Variants in PIGL observed in about 807,000 individuals in gnomAD.
The protein encoded by PIGL is N-acetylglucosaminyl-phosphatidylinositol de-N-acetylase.
Under a neutral mutation model 31.1 loss-of-function variants are expected in PIGL, and 22 were observed. The ratio of observed to expected loss-of-function variants is 0.71; its 90% CI spans 0.51 to 1.01. PIGL has a LOEUF of 1.01. Ranked by LOEUF, PIGL falls within the 50% of genes least tolerant of loss-of-function variation. The probability of loss-of-function intolerance (pLI) is 0.00; values close to 1 mark genes in which losing one functional copy is unlikely to be tolerated. For missense variants in PIGL, 302 were observed against 315.9 expected (o/e 0.96, Z 0.33); for synonymous variants, 131 against 117.4 (o/e 1.12, Z -0.75).
At chr17:16,224,034 G>A (rs549470370) in intron 1 of PIGL, among the ~76,000 whole-genome samples, 2 of 152,130 alleles carry the variant, frequency 1.3e-5, no homozygotes, top group South Asian at 4.1e-4. Flanking sequence ...GGCCAACGTG[G>A]TGAAACCCTG....
At chr17:16,218,268 GCTT>G (rs1328539593) in intron 1 of PIGL, 2 of 152,044 alleles carry the variant, frequency 1.3e-5, no homozygotes, top group Admixed American at 6.6e-5. Flanking sequence ...TTTCTATACA[GCTT>G]CTTCACAGAA....
chr17:16,238,364 T>C (rs1284346861), intron 2 of PIGL, among the ~76,000 whole-genome samples: 1 of 151,406 alleles, frequency 6.6e-6, no homozygotes, highest in Non-Finnish European at 1.5e-5. Context: ...TAAATACCTA[T>C]ATAGATTAAC....
intron 2 of PIGL, among the ~76,000 whole-genome samples, chr17:16,290,130 G>A (rs11078337): frequency 0.36 from 52,858 of 146,812 alleles, 11,363 homozygotes; most frequent in Middle Eastern, 0.51. Flanking sequence ...GACTTGCTCT[G>A]TTGCCCAGGC....
chr17:16,305,300 A>G (rs1251105683), intron 3 of PIGL, among the ~76,000 whole-genome samples: 2 of 152,092 alleles, frequency 1.3e-5, no homozygotes, highest in Admixed American at 6.6e-5. Flanking sequence ...TCAAAAAAAC[A>G]AACAAAAAAA....
At chr17:16,303,553 T>C (rs79491791) in intron 3 of PIGL, among the ~76,000 whole-genome samples, 1 of 151,774 alleles carries the variant, frequency 6.6e-6, no homozygotes, top group Admixed American at 6.6e-5. Flanking sequence ...TTTTTTTTTT[T>C]CCTGAAATGA....
Position 16,252,231 on chromosome 17 carries a change from G to A in PIGL, c.335+18161G>A, listed in dbSNP as rs547793913. Among the ~76,000 whole-genome samples the A allele has an allele frequency of 5.9e-5, 9 of 151,864 alleles. No individual in the cohort carries two copies. The East Asian group carries it at 1.7e-3, about 29-fold the overall frequency. On this transcript the variant is annotated intron_variant, in intron 2 of 6. Coordinates refer to ENST00000225609, the MANE Select transcript of PIGL (RefSeq NM_004278.4). ...TGGGATTACAGGCACATGCCAACAC[G>A]CCTAGCTAATTTTTGTATTTTTATT...
At chr17:16,274,240 C>T (rs1275122304) in intron 2 of PIGL, among the ~76,000 whole-genome samples, 2 of 152,170 alleles carry the variant, frequency 1.3e-5, no homozygotes, top group Non-Finnish European at 2.9e-5. Flanking sequence ...AAGAGTGAAA[C>T]CAGACGTGAG....
intron 2 of PIGL, 72 bp from the exon 3 acceptor site, chr17:16,299,816 C>T (rs2092996707): frequency 2.9e-6 from 3 of 1,050,624 alleles, no homozygotes; most frequent in Non-Finnish European, 4.5e-6. Flanking sequence ...ACTGGGCATG[C>T]ACCTACTGGA....
chr17:16,325,454 A>G (rs1473344247), intron 6 of PIGL, among the ~76,000 whole-genome samples: 1 of 151,310 alleles, frequency 6.6e-6, no homozygotes, highest in African/African-American at 2.4e-5. Context: ...TTCCTCATCT[A>G]TTTATTTTTT....
chr17:16,225,549 C>T (rs996979280), intron 1 of PIGL, among the ~76,000 whole-genome samples: 3 of 125,940 alleles, frequency 2.4e-5, no homozygotes, highest in African/African-American at 2.8e-5. Flanking sequence ...CCACCATGCC[C>T]GGCTAATTTT....
intron 2 of PIGL, among the ~76,000 whole-genome samples, chr17:16,254,058 C>G (rs141360184): frequency 6.6e-6 from 1 of 152,164 alleles, no homozygotes; most frequent in Admixed American, 6.5e-5. Flanking sequence ...TGCATCCACA[C>G]CTTTGCATGT....
chr17:16,300,243 C>T (rs1482353086), intron 3 of PIGL: 2 of 385,916 alleles, frequency 5.2e-6, no homozygotes, highest in African/African-American at 4.1e-5. Context: ...AAACTGTGTC[C>T]TCCTTAACAC....
intron 3 of PIGL, among the ~76,000 whole-genome samples, chr17:16,305,433 C>A (rs1189667399): frequency 1.3e-5 from 2 of 152,136 alleles, no homozygotes; most frequent in Non-Finnish European, 2.9e-5. Context: ...TTTATTTGAA[C>A]AAATACTTTT....
At chr17:16,240,263 A>G (rs1358544330) in intron 2 of PIGL, among the ~76,000 whole-genome samples, 1 of 152,054 alleles carries the variant, frequency 6.6e-6, no homozygotes, top group Non-Finnish European at 1.5e-5. Flanking sequence ...CCTCCTCAAA[A>G]GTGGAAACTG....
chr17:16,314,117 C>T (rs921610375), intron 4 of PIGL, among the ~76,000 whole-genome samples: 11 of 152,058 alleles, frequency 7.2e-5, no homozygotes, highest in South Asian at 4.2e-4. Flanking sequence ...CACAGTCACC[C>T]GATTTTACTG....
chr17:16,246,940 C>T (rs1430914615), intron 2 of PIGL, among the ~76,000 whole-genome samples: 1 of 151,758 alleles, frequency 6.6e-6, no homozygotes, highest in Non-Finnish European at 1.5e-5. Flanking sequence ...CCACCCGCCT[C>T]GGCCTCCCAA....
chr17:16,221,319 T>G (rs2092627783), intron 1 of PIGL, among the ~76,000 whole-genome samples: 1 of 152,090 alleles, frequency 6.6e-6, no homozygotes, highest in African/African-American at 2.4e-5. Context: ...ATAGTTGCAA[T>G]ATAAAATATA....
At chr17:16,298,095 T>C (rs139440060) in intron 2 of PIGL, among the ~76,000 whole-genome samples, 1 of 152,246 alleles carries the variant, frequency 6.6e-6, no homozygotes, top group African/African-American at 2.4e-5. Context: ...CTATCTTCCA[T>C]GAAACTGGTC....
rs187619888 is a variant in PIGL, at chr17:16,220,701, G to A, written c.235+3240G>A. ...GGGCTTTCTCCATGTTGGTCAGGCTGGTCTCAAAACTCCCGACCTCAGGTG... is the reference window on the plus strand; with the variant it reads ...GGGCTTTCTCCATGTTGGTCAGGCTAGTCTCAAAACTCCCGACCTCAGGTG... On this transcript the variant is annotated intron_variant, in intron 1 of 6. Transcript: ENST00000225609. 1.5e-4 allele frequency among the ~76,000 whole-genome samples: 23 copies of A among 152,020 alleles called. No homozygotes were observed. The East Asian group carries it at 4.5e-3, about 29-fold the overall frequency.
Sources: allele counts gnomAD v4.1 joint callset (sites outside exome capture counted in the v4.1 genomes callset), GRCh38; gene constraint gnomAD v4.1.1; transcripts MANE v1.5; gene names NCBI Gene and HGNC (gene_info 2026-07-23, HGNC 2026-07-21).